Variants in ATG7 observed in about 807,000 individuals in gnomAD.
ATG7 encodes ubiquitin-like modifier-activating enzyme ATG7.
In ATG7, 70 loss-of-function variants were observed where a neutral mutation model predicts 82.4. The ratio of observed to expected loss-of-function variants is 0.85; its 90% CI spans 0.70 to 1.04. The LOEUF (loss-of-function observed/expected upper bound fraction) is 1.04, where lower values mean the gene tolerates loss of function less well. Ranked by LOEUF, ATG7 falls within the 50% of genes least tolerant of loss-of-function variation. The probability of loss-of-function intolerance (pLI) is 0.00; values close to 1 mark genes in which losing one functional copy is unlikely to be tolerated. For synonymous variants in ATG7, 287 were observed against 313.0 expected (o/e 0.92, Z 0.88); for missense variants, 792 against 864.3 (o/e 0.92, Z 1.05).
chr3:11,463,375 T>A (rs1036485102), intron 20 of ATG7, among the ~76,000 whole-genome samples: 1 of 152,328 alleles, frequency 6.6e-6, no homozygotes, highest in African/African-American at 2.4e-5. Flanking sequence ...AATAATCAGA[T>A]ACTTCCCTCA....
rs1326319286 is a variant in ATG7 at position 11,493,486 on chromosome 3, TC to T, written c.2080-61324del. ...AGCAGGCAAACAGGAGAATAGAAGT[TC>T]TCACCCTGGGCCAAGGGTTTCAGGC... On this transcript the variant is annotated intron_variant, in intron 20 of 20. Transcript: ENST00000693202. 7.2e-5 allele frequency among the ~76,000 whole-genome samples: 11 copies of T among 152,294 alleles called. No individual in the cohort carries two copies. The East Asian group carries it at 2.1e-3, about 29-fold the overall frequency.
At chr3:11,509,780 T>A (rs758834979) in intron 20 of ATG7, among the ~76,000 whole-genome samples, 14 of 152,184 alleles carry the variant, frequency 9.2e-5, no homozygotes, top group South Asian at 4.1e-4. Context: ...CACTTGTAAA[T>A]GTACCGTTTG....
intron 19 of ATG7, among the ~76,000 whole-genome samples, chr3:11,388,795 T>C (rs2078532465): frequency 6.6e-6 from 1 of 151,984 alleles, no homozygotes; most frequent in Non-Finnish European, 1.5e-5. Flanking sequence ...CTCAATAACT[T>C]TGTAAGATAG....
Position 11,378,903 on chromosome 3 carries a change from A to G in ATG7, c.1876-1069A>G, listed in dbSNP as rs574792811. 3.3e-5 allele frequency among the ~76,000 whole-genome samples: 5 copies of G among 152,182 alleles called. No homozygotes were observed. The East Asian group carries it at 7.7e-4, about 23-fold the overall frequency. ...TTGAGGGAGAGGGCATGGTGTTAAT[A>G]GGATGGCTAAACGGTGGTGGATCGG... is the stretch of plus-strand genomic sequence containing the variant. On this transcript the variant is annotated intron_variant, in intron 18 of 20. Coordinates refer to ENST00000693202, the MANE Select transcript of ATG7 (RefSeq NM_001349232.2).
intron 4 of ATG7, 56 bp from the exon 5 acceptor site, chr3:11,299,306 T>G: frequency 2.0e-6 from 3 of 1,532,566 alleles, no homozygotes; most frequent in South Asian, 2.2e-5. Context: ...GCATTTTTGT[T>G]ATGAACGCTG....
intron 20 of ATG7, among the ~76,000 whole-genome samples, chr3:11,506,150 G>A (rs2091693956): frequency 6.6e-6 from 1 of 152,112 alleles, no homozygotes; most frequent in Non-Finnish European, 1.5e-5. Context: ...TTATTACTGA[G>A]TCCAGGTACG....
chr3:11,299,626 T>C (rs116558557), intron 5 of ATG7, among the ~76,000 whole-genome samples: 1 of 152,272 alleles, frequency 6.6e-6, no homozygotes, highest in African/African-American at 2.4e-5. Context: ...CACCTATTTA[T>C]CAGAGTCAAT....
At position 11,306,947 on chromosome 3, in the gene ATG7, G is replaced by A; in HGVS notation, c.220G>A (p.Ala74Thr). The A allele has an allele frequency of 1.2e-6, 2 of 1,613,692 alleles. No individual in the cohort carries two copies. The highest frequency in any genetic ancestry group is 1.7e-6 in the Non-Finnish European group (2 of 1,179,712). ...TLEFSAFDMSAPTPARCCPAI... is the reference protein window; with the variant it reads ...TLEFSAFDMSTPTPARCCPAI... ...CCGTGTTTCTCTTGTATCTAGGAGT[G>A]CTCCCACCCCAGCCCGTTGCTGCCC... is the stretch of plus-strand genomic sequence containing the variant. Residue 74 changes from alanine (A) to threonine (T), a missense_variant, in exon 6 of 21, where the codon GCT becomes ACT. Ala to Thr is a moderately conservative substitution (Grantham distance 58). Transcript: ENST00000693202.
chr3:11,291,247 C>T (rs1179472148), intron 3 of ATG7, among the ~76,000 whole-genome samples: 1 of 152,228 alleles, frequency 6.6e-6, no homozygotes, highest in East Asian at 1.9e-4. Context: ...CCACTGTCTG[C>T]AACTGTGTTG....
At chr3:11,575,610 G>A in the ATG7 span, among the ~76,000 whole-genome samples, 1 of 152,332 alleles carries the variant, frequency 6.6e-6, no homozygotes, top group Admixed American at 6.5e-5. Flanking sequence ...CCCAGCGGCA[G>A]CCGCTTAAAG....
chr3:11,531,698 C>A (rs1337022940), intron 20 of ATG7, among the ~76,000 whole-genome samples: 4 of 151,866 alleles, frequency 2.6e-5, no homozygotes, highest in African/African-American at 9.7e-5. Flanking sequence ...ATGGCAAAAC[C>A]CTGTCTTTGC....
intron 9 of ATG7, among the ~76,000 whole-genome samples, chr3:11,330,457 A>G (rs543521802): frequency 6.6e-6 from 1 of 152,290 alleles, no homozygotes; most frequent in South Asian, 2.1e-4. Context: ...TTGGCTATTG[A>G]TAACTCTTAC....
At chr3:11,357,697 G>T (rs2076018943) in intron 14 of ATG7, among the ~76,000 whole-genome samples, 1 of 152,092 alleles carries the variant, frequency 6.6e-6, no homozygotes, top group Non-Finnish European at 1.5e-5. Context: ...AAGCAAATAG[G>T]AAGAGATAGC....
downstream of ATG7, chr3:11,558,346 G>T: frequency 1.3e-6 from 1 of 749,062 alleles, no homozygotes; most frequent in East Asian, 2.7e-5. Context: ...TCCACGCGTA[G>T]TTCCTGCTAT....
chr3:11,301,027 A>C (rs12634261), intron 5 of ATG7, among the ~76,000 whole-genome samples: 3,513 of 152,326 alleles, frequency 0.023, 128 homozygotes, highest in East Asian at 0.071. Flanking sequence ...AGGCGCAAAC[A>C]GTGAATGGCT....
chr3:11,427,923 A>G (rs374719163), intron 20 of ATG7, among the ~76,000 whole-genome samples: 10 of 152,324 alleles, frequency 6.6e-5, no homozygotes, highest in South Asian at 4.1e-4. Flanking sequence ...AAAATGTGCA[A>G]TTCCTCAGAA....
intron 19 of ATG7, among the ~76,000 whole-genome samples, chr3:11,425,430 G>T (rs1003119612): frequency 4.6e-5 from 7 of 152,144 alleles, no homozygotes; most frequent in Admixed American, 4.6e-4. Flanking sequence ...GTTCTGGTCT[G>T]TTTATGCATT....
At chr3:11,535,414 C>T (rs925526101) in intron 20 of ATG7, among the ~76,000 whole-genome samples, 1 of 152,218 alleles carries the variant, frequency 6.6e-6, no homozygotes, top group African/African-American at 2.4e-5. Context: ...TTTTGTGATT[C>T]TCAAAGTCTT....
chr3:11,471,012 CT>C (rs2087444077), intron 20 of ATG7, among the ~76,000 whole-genome samples: 1 of 152,140 alleles, frequency 6.6e-6, no homozygotes, highest in South Asian at 2.1e-4. Flanking sequence ...CCTAGCCTGG[CT>C]TTTCTCCATC....
Sources: gnomAD v4.1 joint callset for allele counts (sites outside exome capture counted in the v4.1 genomes callset) on GRCh38, gnomAD v4.1.1 for gene constraint, MANE v1.5 for transcripts, NCBI Gene and HGNC (gene_info 2026-07-23, HGNC 2026-07-21) for gene names.